HECTD4: variants seen among roughly 807,000 people sequenced by gnomAD.
HECTD4 encodes probable E3 ubiquitin-protein ligase HECTD4.
Under a neutral mutation model 471.5 loss-of-function variants are expected in HECTD4, and 114 were observed. That is an observed-to-expected ratio of 0.24 (90% CI 0.21 to 0.28). The LOEUF is 0.28. Ranked by LOEUF, HECTD4 falls within the 10% of genes least tolerant of loss-of-function variation. The pLI, the probability that HECTD4 is intolerant of heterozygous loss-of-function variation, is 1.00. For synonymous variants in HECTD4, 2,012 were observed against 2,256.0 expected, an observed-to-expected ratio of 0.89 and a Z score of 3.07; for missense variants, 3,866 against 5,651.5, an observed-to-expected ratio of 0.68 and a Z score of 10.13.
chr12:112,210,524 C>T (rs1362530749), intron 49 of HECTD4, among the ~76,000 whole-genome samples: 2 of 152,166 alleles, frequency 1.3e-5, no homozygotes, highest in Non-Finnish European at 2.9e-5. Context: ...CTGCTCCTCT[C>T]TACCTGACAC....
At chr12:112,332,382 C>G (rs924981775) in intron 1 of HECTD4, among the ~76,000 whole-genome samples, 2 of 151,694 alleles carry the variant, frequency 1.3e-5, no homozygotes, top group Non-Finnish European at 2.9e-5. Context: ...ACTAAAAATA[C>G]AAAAATTAGC....
At chr12:112,238,964 C>T (rs1314647850) in intron 34 of HECTD4, 88 bp downstream of exon 34, 2 of 1,269,668 alleles carry the variant, frequency 1.6e-6, no homozygotes, top group East Asian at 2.5e-5. Flanking sequence ...TAGAGGCTTT[C>T]TCTCTTTCAT....
At chr12:112,175,651 C>T (rs886661214) in intron 66 of HECTD4, 85 bp downstream of exon 66, 64 of 1,459,380 alleles carry the variant, frequency 4.4e-5, no homozygotes, top group African/African-American at 7.0e-5. Flanking sequence ...ACAGGGGAGA[C>T]GGATCAGCTC....
intron 7 of HECTD4, among the ~76,000 whole-genome samples, chr12:112,296,401 GGGTGCAGAGGATGTA>G (rs1287183022): frequency 1.4e-5 from 2 of 148,106 alleles, no homozygotes; most frequent in African/African-American, 5.0e-5. Flanking sequence ...GAGTGGATGT[GGGTGCAGAGGATGTA>G]GGTGCAGAGG....
intron 21 of HECTD4, among the ~76,000 whole-genome samples, chr12:112,256,082 A>G (rs2034002580): frequency 6.6e-6 from 1 of 152,210 alleles, no homozygotes; most frequent in African/African-American, 2.4e-5. Context: ...GAAAGCTTAC[A>G]AAGTACACTT....
Position 112,243,785 on chromosome 12 carries a change from G to A in HECTD4, c.4650-24C>T. 5 of 1,610,038 alleles carry A rather than the reference G, an allele frequency of 3.1e-6. No individual in the cohort carries two copies. Among genetic ancestry groups the A allele is most frequent in the Non-Finnish European group, 4.2e-6 (5 of 1,176,896 alleles). The stretch of plus-strand genomic sequence containing the variant: ...GCCTACGGGGAACACAGAACAGACT[G>A]GCAAGACGAGAAACACACTCAGGGA... On this transcript the variant is annotated intron_variant, in intron 30 of 75. Coordinates refer to ENST00000682272, the MANE Select transcript of HECTD4 (RefSeq NM_001388303.1). The surrounding 1 kb of genome is among the most constrained non-coding windows in gnomAD (Gnocchi z 6.6).
chr12:112,262,340 G>T (rs1478095414), intron 17 of HECTD4, among the ~76,000 whole-genome samples: 1 of 151,440 alleles, frequency 6.6e-6, no homozygotes, highest in African/African-American at 2.4e-5. Flanking sequence ...GTGAAACCCC[G>T]TCTCTACTAA....
At chr12:112,373,971 T>TCCAG (rs2036731807) in intron 1 of HECTD4, among the ~76,000 whole-genome samples, 1 of 140,820 alleles carries the variant, frequency 7.1e-6, no homozygotes, top group African/African-American at 2.7e-5. Flanking sequence ...GCTATTGCGC[T>TCCAG]CCAGCCTAGG....
chr12:112,375,064 G>A (rs1045260603), intron 1 of HECTD4, among the ~76,000 whole-genome samples: 97 of 151,912 alleles, frequency 6.4e-4, no homozygotes, highest in South Asian at 6.2e-4. Context: ...TTTATACTCC[G>A]TCCCTCTCAT....
intron 7 of HECTD4, among the ~76,000 whole-genome samples, chr12:112,305,554 C>A (rs1410909454): frequency 2.6e-5 from 4 of 152,148 alleles, no homozygotes; most frequent in Admixed American, 1.3e-4. Context: ...CCATCATCAA[C>A]CCACCCAACT....
At chr12:112,233,214 CTTTTT>C in intron 37 of HECTD4, 129 bp from the exon 38 acceptor site, 1,993 of 234,284 alleles carry the variant, frequency 8.5e-3, no homozygotes, top group Middle Eastern at 0.012. Context: ...CTAACATTAG[CTTTTT>C]TTTTTTTTTT....
chr12:112,243,950 G>C lies in HECTD4; in HGVS notation c.4573C>G (p.Leu1525Val), dbSNP rs2033699005. ...ISHAVRQPVFLRSMSAPSDLE... is the reference protein window; with the variant it reads ...ISHAVRQPVFVRSMSAPSDLE... The stretch of plus-strand genomic sequence containing the variant: ...TCAGAAGGAGCTGACATGCTGCGAA[G>C]AAAAACAGGCTGCCTGACAGCGTGA... Residue 1525 changes from leucine to valine, a missense_variant, in exon 30 of 76, where the codon CTT (leucine) becomes GTT (valine). Coordinates refer to ENST00000682272, the MANE Select transcript of HECTD4 (RefSeq NM_001388303.1). This position sits in a 1 kb window ranked among gnomAD's most constrained non-coding sequence, Gnocchi z 6.6. The C allele has an allele frequency of 6.2e-7, 1 of 1,613,982 alleles. No homozygotes were observed. The highest frequency in any genetic ancestry group is 8.5e-7 in the Non-Finnish European group (1 of 1,179,872).
chr12:112,310,878 T>G (rs928445387), intron 4 of HECTD4, among the ~76,000 whole-genome samples: 4 of 152,206 alleles, frequency 2.6e-5, no homozygotes, highest in Non-Finnish European at 5.9e-5. Context: ...TGGCCAGGAA[T>G]GGATACTTGT....
intron 1 of HECTD4, among the ~76,000 whole-genome samples, chr12:112,325,290 A>G (rs1345472387): frequency 1.3e-5 from 2 of 152,250 alleles, no homozygotes; most frequent in Non-Finnish European, 2.9e-5. Flanking sequence ...CAAATATTAT[A>G]TAACATACAC....
rs544777512 is a variant in HECTD4 at position 112,211,532 on chromosome 12, A to G, written c.7629+955T>C. Among the ~76,000 whole-genome samples, 57 of 140,802 alleles carry G rather than the reference A, an allele frequency of 4.0e-4. 1 individual carries two copies. Among genetic ancestry groups the G allele is most frequent in the Admixed American group, 5.7e-4 (8 of 14,086 alleles). 92.4% of individuals were successfully genotyped at this position (140,802 alleles called of 152,430 possible). A position where few individuals can be genotyped will look rare whatever the true frequency, so the allele number is the denominator to read the frequency against. On this transcript the variant is annotated intron_variant, in intron 49 of 75. Transcript: ENST00000682272. ...TACCTTAGAGATGTCCTGAAGGGGGAAAAAAAAAAAAAAGATAAGACGTGA... is the reference window on the plus strand; with the variant it reads ...TACCTTAGAGATGTCCTGAAGGGGGGAAAAAAAAAAAAAGATAAGACGTGA...
At chr12:112,343,285 A>G (rs2036084666) in intron 1 of HECTD4, among the ~76,000 whole-genome samples, 1 of 152,250 alleles carries the variant, frequency 6.6e-6, no homozygotes. Flanking sequence ...TTTCAAAACT[A>G]TCCTTCAAAT....
rs1320872136 is a variant in HECTD4, at chr12:112,194,186, C to T, written c.8750-512G>A. Among the ~76,000 whole-genome samples, 5 of 152,230 alleles carry T rather than the reference C, an allele frequency of 3.3e-5. No individual in the cohort carries two copies. The highest frequency in any genetic ancestry group is 2.0e-4 in the Admixed American group (3 of 15,284). ...CATATGGACCAGTAGCGATGTAGTG[C>T]ACACATACCCTGGCTGGGTGGGACC... is the stretch of plus-strand genomic sequence containing the variant. On this transcript the variant is annotated intron_variant, in intron 56 of 75. Coordinates refer to ENST00000682272, the MANE Select transcript of HECTD4 (RefSeq NM_001388303.1). The surrounding 1 kb of genome is among the most constrained non-coding windows in gnomAD (Gnocchi z 4.6).
At chr12:112,207,802 A>G (rs1242210177) in intron 52 of HECTD4, 72 bp downstream of exon 52, 1 of 1,553,802 alleles carries the variant, frequency 6.4e-7, no homozygotes, top group East Asian at 2.3e-5. Flanking sequence ...CCTGATTTAC[A>G]TTCTGATTTT....
chr12:112,182,956 G>C, intron 62 of HECTD4, 103 bp downstream of exon 62: 1 of 776,614 alleles, frequency 1.3e-6, no homozygotes. Flanking sequence ...GTTAAAAATA[G>C]GGGATACTGG....
Sources: allele counts gnomAD v4.1 joint callset (sites outside exome capture counted in the v4.1 genomes callset), GRCh38; gene constraint gnomAD v4.1.1; non-coding constraint Gnocchi (gnomAD v3.1); transcripts MANE v1.5; gene names NCBI Gene and HGNC (gene_info 2026-07-23, HGNC 2026-07-21).